ATRNL1: variants seen among roughly 807,000 people sequenced by gnomAD.
ATRNL1 encodes the protein attractin-like protein 1.
Under a neutral mutation model 182.7 loss-of-function variants are expected in ATRNL1, and 95 were observed. The observed-to-expected ratio is 0.52, with a 90% CI of 0.44 to 0.62. The LOEUF is 0.62. Among genes scored for constraint, ATRNL1 ranks in the 20% least tolerant of loss-of-function variants. The pLI is 0.00. For synonymous variants in ATRNL1, 576 were observed against 568.3 expected, an observed-to-expected ratio of 1.01 and a Z score of -0.19; for missense variants, 1,471 against 1,679.5, an observed-to-expected ratio of 0.88 and a Z score of 2.17.
intron 1 of ATRNL1, among the ~76,000 whole-genome samples, chr10:115,099,854 T>A (rs1843700634): frequency 6.6e-6 from 1 of 152,240 alleles, no homozygotes; most frequent in African/African-American, 2.4e-5. Flanking sequence ...TGCATATATT[T>A]TCTACCAGTC....
intron 20 of ATRNL1, among the ~76,000 whole-genome samples, chr10:115,397,742 A>T (rs1442168806): frequency 3.9e-5 from 6 of 152,002 alleles, no homozygotes; most frequent in African/African-American, 7.2e-5. Flanking sequence ...AGAAATGAAC[A>T]TGATCATAGC....
chr10:115,854,399 C>T lies in ATRNL1; in HGVS notation c.4018+6408C>T, dbSNP rs535576338. On this transcript the variant is annotated intron_variant, in intron 28 of 28. Transcript: ENST00000355044. ...TACCCACTTAGAATTCACTTAGTGG[C>T]GATGGCTATAGAGCACCTCCTTTCT... Among the ~76,000 whole-genome samples, 6 of 152,254 alleles carry T rather than the reference C, an allele frequency of 3.9e-5. No homozygotes were observed. The East Asian group carries it at 1.2e-3, about 29-fold the overall frequency.
At chr10:115,239,717 AAC>A (rs1173891145) in intron 9 of ATRNL1, among the ~76,000 whole-genome samples, 29 of 152,258 alleles carry the variant, frequency 1.9e-4, no homozygotes, top group Non-Finnish European at 3.4e-4. Context: ...TTCTGGATGC[AAC>A]AGTCTGCCTT....
At chr10:115,197,473 A>G (rs1848404166) in intron 8 of ATRNL1, among the ~76,000 whole-genome samples, 1 of 152,128 alleles carries the variant, frequency 6.6e-6, no homozygotes, top group African/African-American at 2.4e-5. Flanking sequence ...CAGGGAAACT[A>G]TCTGTTCCAG....
At chr10:115,545,632 A>C (rs781804446) in intron 25 of ATRNL1, among the ~76,000 whole-genome samples, 1 of 152,240 alleles carries the variant, frequency 6.6e-6, no homozygotes, top group African/African-American at 2.4e-5. Flanking sequence ...AAATTCAACT[A>C]GTATTCCCGT....
At chr10:115,173,748 G>C (rs139066879) in intron 8 of ATRNL1, among the ~76,000 whole-genome samples, 1 of 151,660 alleles carries the variant, frequency 6.6e-6, no homozygotes, top group Non-Finnish European at 1.5e-5. Flanking sequence ...CTCATCTGTC[G>C]TTAATATTGC....
chr10:115,938,583 A>G (rs1953633251), intron 28 of ATRNL1, among the ~76,000 whole-genome samples: 1 of 152,228 alleles, frequency 6.6e-6, no homozygotes, highest in Non-Finnish European at 1.5e-5. Context: ...TAGTCAAGAT[A>G]TAGAAGCAGC....
chr10:115,204,491 A>G (rs563115339), intron 8 of ATRNL1, among the ~76,000 whole-genome samples: 3 of 152,232 alleles, frequency 2.0e-5, no homozygotes, highest in African/African-American at 7.2e-5. Flanking sequence ...AGTTTTTATC[A>G]TGAAAATATG....
At chr10:115,748,725 G>A (rs906179853) in intron 27 of ATRNL1, among the ~76,000 whole-genome samples, 2 of 151,836 alleles carry the variant, frequency 1.3e-5, no homozygotes, top group Non-Finnish European at 2.9e-5. Context: ...TAATGTTTGT[G>A]CTGTCTACTC....
chr10:115,189,592 TATATA>T (rs1348602710), intron 8 of ATRNL1, among the ~76,000 whole-genome samples: 2 of 152,068 alleles, frequency 1.3e-5, no homozygotes, highest in Non-Finnish European at 1.5e-5. Context: ...GGAAAAAGCT[TATATA>T]ATAAGGATTT....
At position 115,160,198 on chromosome 10, in the gene ATRNL1, T is replaced by C; in HGVS notation, c.988T>C (p.Phe330Leu). 1 of 1,611,424 alleles carries C rather than the reference T, an allele frequency of 6.2e-7. No homozygotes were observed. The highest frequency in any genetic ancestry group is 8.5e-7 in the Non-Finnish European group (1 of 1,178,324). Residue 330 changes from phenylalanine to leucine, a missense_variant, in exon 6 of 29, where the codon TTT (phenylalanine) becomes CTT (leucine). By Grantham distance (22) the Phe-to-Leu change is conservative. Transcript: ENST00000355044. The part of the protein sequence containing the change: ...IGGYTFNYSS[F>L]QMVLNYNLES... ...TGGATATACTTTTAACTACAGTTCT[T>C]TTCAAATGGTCCTAAAGTAAGTATT...
intron 8 of ATRNL1, among the ~76,000 whole-genome samples, chr10:115,176,887 A>G (rs1271865314): frequency 1.3e-5 from 2 of 152,092 alleles, no homozygotes; most frequent in Admixed American, 6.6e-5. Flanking sequence ...ACTTTCTAGT[A>G]AAGTGCCATA....
chr10:115,274,905 C>T (rs560028480), intron 13 of ATRNL1, among the ~76,000 whole-genome samples: 1 of 152,314 alleles, frequency 6.6e-6, no homozygotes, highest in Non-Finnish European at 1.5e-5. Flanking sequence ...CTCGGTTAAG[C>T]TTATGATAAT....
At chr10:115,642,440 C>CTTT (rs71303504) in intron 26 of ATRNL1, among the ~76,000 whole-genome samples, 4 of 148,816 alleles carry the variant, frequency 2.7e-5, no homozygotes, top group African/African-American at 4.9e-5. Flanking sequence ...AATTCTAGTG[C>CTTT]TTTTTTTTTT....
At chr10:115,214,068 A>ACACACACACACG (rs1849135553) in intron 8 of ATRNL1, among the ~76,000 whole-genome samples, 1 of 145,004 alleles carries the variant, frequency 6.9e-6, no homozygotes, top group South Asian at 2.1e-4. Flanking sequence ...ACACACACAC[A>ACACACACACACG]TATATATAAA....
At chr10:115,205,736 C>T (rs1554893579) in intron 8 of ATRNL1, among the ~76,000 whole-genome samples, 1 of 151,912 alleles carries the variant, frequency 6.6e-6, no homozygotes, top group African/African-American at 2.4e-5. Flanking sequence ...GAAACCTTAC[C>T]TCATTACAGG....
chr10:115,833,594 A>C (rs1325788485), intron 27 of ATRNL1, among the ~76,000 whole-genome samples: 1 of 152,238 alleles, frequency 6.6e-6, no homozygotes, highest in African/African-American at 2.4e-5. Context: ...CACTTGCCCT[A>C]CGCCAGGCAG....
intron 26 of ATRNL1, among the ~76,000 whole-genome samples, chr10:115,707,232 A>G (rs1946928491): frequency 6.6e-6 from 1 of 151,820 alleles, no homozygotes; most frequent in East Asian, 1.9e-4. Context: ...ATCAGTCTAA[A>G]CAATTCAGAG....
At chr10:115,175,200 A>G (rs1455795195) in intron 8 of ATRNL1, among the ~76,000 whole-genome samples, 1 of 152,014 alleles carries the variant, frequency 6.6e-6, no homozygotes, top group African/African-American at 2.4e-5. Flanking sequence ...TTGGCAGAAT[A>G]TATTTCGTGT....
Sources: allele counts gnomAD v4.1 joint callset (sites outside exome capture counted in the v4.1 genomes callset), GRCh38; gene constraint gnomAD v4.1.1; transcripts MANE v1.5; gene names NCBI Gene and HGNC (gene_info 2026-07-23, HGNC 2026-07-21).